EHBP1: variants seen among roughly 807,000 people sequenced by gnomAD.
The protein encoded by EHBP1 is EH domain-binding protein 1.
EHBP1 carries 55 observed loss-of-function variants against 144.0 expected under a neutral mutation model. That is an observed-to-expected ratio of 0.38 (90% confidence interval 0.31 to 0.48). EHBP1 has a LOEUF of 0.48. EHBP1 is among the 20% of genes least tolerant of loss of function. EHBP1 has a pLI of 0.98. For synonymous variants in EHBP1, 469 were observed against 472.7 expected, an observed-to-expected ratio of 0.99 and a Z score of 0.10; for missense variants, 1,200 against 1,364.2, an observed-to-expected ratio of 0.88 and a Z score of 1.90.
chr2:62,768,998 T>C lies in EHBP1; in HGVS notation c.259-2341T>C, dbSNP rs146942601. 4.6e-5 allele frequency among the ~76,000 whole-genome samples: 7 copies of C among 152,270 alleles called. No homozygotes were observed. In the East Asian group the frequency reaches 1.3e-3, roughly 29 times the overall value. ...GTTAAAGACTCTCAAAACTAGGTAT[T>C]GAAGGAACATATATCAAAATAATAG... On this transcript the variant is annotated intron_variant, in intron 4 of 22. Coordinates refer to ENST00000431489, the MANE Select transcript of EHBP1 (RefSeq NM_001142616.3).
chr2:62,990,788 C>A lies in EHBP1; in HGVS notation c.2681C>A (p.Pro894His), dbSNP rs757520038. Residue 894 changes from proline (P) to histidine (H), a missense_variant, in exon 16 of 23, where the codon CCC becomes CAC. By Grantham distance (77) the Pro-to-His change is moderately conservative (BLOSUM62 -2). Transcript: ENST00000431489. ...GTTCAGCCACAGGTGGCAAATTCAC[C>A]CTCCAGTGCTGCCCAGAAAGCTGTA... is the stretch of plus-strand genomic sequence containing the variant. ...LEVQPQVANS[P>H]SSAAQKAVTE... The A allele has an allele frequency of 4.3e-6, 7 of 1,613,706 alleles. No homozygotes were observed. The African/African-American group carries it at 8.0e-5, about 18-fold the overall frequency.
At chr2:63,029,702 A>C (rs1021714172) in intron 19 of EHBP1, among the ~76,000 whole-genome samples, 1 of 152,140 alleles carries the variant, frequency 6.6e-6, no homozygotes, top group Non-Finnish European at 1.5e-5. Flanking sequence ...CAAGGGGCTC[A>C]ATTTTTTTTA....
intron 1 of EHBP1, among the ~76,000 whole-genome samples, chr2:62,689,696 G>A (rs1004433161): frequency 1.3e-5 from 2 of 152,058 alleles, no homozygotes; most frequent in African/African-American, 2.4e-5. Flanking sequence ...TTTAAAAATT[G>A]TGTCTATTTT....
chr2:62,756,272 A>G, intron 3 of EHBP1, among the ~76,000 whole-genome samples: 1 of 152,254 alleles, frequency 6.6e-6, no homozygotes, highest in South Asian at 2.1e-4. Context: ...GAATGCAAAC[A>G]TATGAGGCTA....
intron 5 of EHBP1, among the ~76,000 whole-genome samples, chr2:62,794,416 A>G (rs1002507752): frequency 6.6e-6 from 1 of 152,078 alleles, no homozygotes; most frequent in Non-Finnish European, 1.5e-5. Flanking sequence ...AGCATTTTAC[A>G]TTTCTCACTA....
intron 1 of EHBP1, among the ~76,000 whole-genome samples, chr2:62,692,625 C>A (rs962222286): frequency 3.9e-5 from 6 of 152,126 alleles, no homozygotes; most frequent in South Asian, 2.1e-4. Context: ...TCTCTGATGG[C>A]AAATTATATT....
intron 19 of EHBP1, among the ~76,000 whole-genome samples, chr2:63,016,931 G>A (rs2060509824): frequency 6.6e-6 from 1 of 152,098 alleles, no homozygotes; most frequent in African/African-American, 2.4e-5. Context: ...GTCTTTTACT[G>A]TTGTTAGCAT....
At chr2:62,751,646 T>C (rs1216753652) in intron 3 of EHBP1, among the ~76,000 whole-genome samples, 1 of 152,208 alleles carries the variant, frequency 6.6e-6, no homozygotes, top group East Asian at 1.9e-4. Flanking sequence ...CTATTAATTA[T>C]TGCCTCAATT....
intron 9 of EHBP1, among the ~76,000 whole-genome samples, chr2:62,870,266 A>T (rs756714155): frequency 2.0e-5 from 3 of 152,160 alleles, no homozygotes; most frequent in Non-Finnish European, 4.4e-5. Context: ...GTTGTATTTT[A>T]TAAGGGGCAT....
chr2:62,848,631 A>C (rs1177071829), intron 7 of EHBP1, among the ~76,000 whole-genome samples: 2 of 152,236 alleles, frequency 1.3e-5, no homozygotes, highest in Admixed American at 6.5e-5. Context: ...TACAACATAG[A>C]TGTACCTCAA....
At chr2:62,733,397 T>C (rs542180668) in intron 2 of EHBP1, among the ~76,000 whole-genome samples, 1 of 152,336 alleles carries the variant, frequency 6.6e-6, no homozygotes, top group South Asian at 2.1e-4. Context: ...TGGATAGTTC[T>C]TTCAGTTGTA....
chr2:62,785,704 A>G (rs1255346820), intron 5 of EHBP1, among the ~76,000 whole-genome samples: 1 of 151,302 alleles, frequency 6.6e-6, no homozygotes, highest in Non-Finnish European at 1.5e-5. Context: ...AAGGCCCTGT[A>G]TTCTCCTTCA....
intron 21 of EHBP1, 130 bp from the exon 22 acceptor site, chr2:63,044,936 A>T (rs990237620): frequency 4.7e-5 from 31 of 652,802 alleles, no homozygotes; most frequent in Middle Eastern, 5.1e-4. Flanking sequence ...CCCAGAAAAC[A>T]CTAGCTAGTG....
chr2:62,859,360 A>T, intron 8 of EHBP1, 69 bp downstream of exon 8: 2 of 1,436,610 alleles, frequency 1.4e-6, no homozygotes, highest in Non-Finnish European at 1.9e-6. Context: ...AGGGCAGGAA[A>T]ATATTTTCTT....
chr2:62,850,319 T>G (rs189796396), intron 7 of EHBP1, among the ~76,000 whole-genome samples: 1 of 152,296 alleles, frequency 6.6e-6, no homozygotes, highest in Admixed American at 6.5e-5. Flanking sequence ...TTCTTTTTAC[T>G]ACAGACTTTC....
chr2:62,753,546 C>T (rs981040961), intron 3 of EHBP1, among the ~76,000 whole-genome samples: 7 of 152,068 alleles, frequency 4.6e-5, no homozygotes, highest in African/African-American at 1.7e-4. Context: ...TGAATGTTGG[C>T]CTGCCTTGCT....
intron 19 of EHBP1, among the ~76,000 whole-genome samples, chr2:62,998,825 T>G (rs1236249894): frequency 6.6e-6 from 1 of 152,176 alleles, no homozygotes; most frequent in Non-Finnish European, 1.5e-5. Context: ...AGACCAAAAC[T>G]GAGTTGGTCT....
At chr2:62,752,642 G>T (rs941177741) in intron 3 of EHBP1, among the ~76,000 whole-genome samples, 5 of 152,118 alleles carry the variant, frequency 3.3e-5, no homozygotes, top group African/African-American at 4.8e-5. Context: ...CTAAGGACTT[G>T]CTTTATGAAT....
chr2:62,725,609 T>A (rs1364689166), intron 2 of EHBP1, among the ~76,000 whole-genome samples: 1 of 152,000 alleles, frequency 6.6e-6, no homozygotes, highest in African/African-American at 2.4e-5. Flanking sequence ...AAAGGCAGGG[T>A]GCTGGTGGGG....
Sources: gnomAD v4.1 joint callset for allele counts (sites outside exome capture counted in the v4.1 genomes callset) on GRCh38, gnomAD v4.1.1 for gene constraint, MANE v1.5 for transcripts, NCBI Gene and HGNC (gene_info 2026-07-23, HGNC 2026-07-21) for gene names.